NRG3: variants seen among roughly 807,000 people sequenced by gnomAD.
The protein encoded by NRG3 is pro-neuregulin-3, membrane-bound isoform.
A neutral mutation model predicts 66.9 loss-of-function variants in NRG3; 31 were observed. The observed-to-expected ratio is 0.46, with a 90% confidence interval of 0.35 to 0.63. NRG3 has a LOEUF of 0.63. Ranked by LOEUF, NRG3 falls within the 20% of genes least tolerant of loss-of-function variation. The pLI, the probability that NRG3 is intolerant of heterozygous loss-of-function variation, is 0.00. For missense variants in NRG3, 910 were observed against 878.9 expected, an observed-to-expected ratio of 1.04 and a Z score of -0.45; for synonymous variants, 393 against 359.4, an observed-to-expected ratio of 1.09 and a Z score of -1.06.
At chr10:82,529,969 A>G (rs1048209080) in intron 2 of NRG3, among the ~76,000 whole-genome samples, 4 of 152,164 alleles carry the variant, frequency 2.6e-5, no homozygotes, top group African/African-American at 7.2e-5. Flanking sequence ...AAATGATGCC[A>G]GTTTTATATC....
intron 1 of NRG3, among the ~76,000 whole-genome samples, chr10:82,079,429 C>A (rs2065270807): frequency 6.6e-6 from 1 of 152,198 alleles, no homozygotes; most frequent in South Asian, 2.1e-4. Context: ...CCCACACATG[C>A]ACCACCTTCC....
chr10:82,882,213 G>A (rs1321596368), intron 4 of NRG3, among the ~76,000 whole-genome samples: 1 of 152,102 alleles, frequency 6.6e-6, no homozygotes, highest in Non-Finnish European at 1.5e-5. Flanking sequence ...GTGTTCTACT[G>A]TAACTTTGCT....
At chr10:82,774,783 C>T (rs1238437117) in intron 3 of NRG3, among the ~76,000 whole-genome samples, 1 of 131,768 alleles carries the variant, frequency 7.6e-6, no homozygotes, top group Non-Finnish European at 1.6e-5. Context: ...TGTTCTGATC[C>T]TTTTTATTCC....
At chr10:82,940,766 A>G (rs1408001289) in intron 4 of NRG3, among the ~76,000 whole-genome samples, 2 of 152,000 alleles carry the variant, frequency 1.3e-5, no homozygotes, top group Admixed American at 6.6e-5. Context: ...AGTTTATTTT[A>G]TAAGAGCAGT....
rs79238558 is a variant in NRG3 at position 82,181,785 on chromosome 10, T to C, written c.824-176954T>C. Among the ~76,000 whole-genome samples the C allele has an allele frequency of 3.5e-3, 526 of 151,952 alleles. 5 individuals are homozygous for C. The highest frequency in any genetic ancestry group is 0.012 in the African/African-American group (495 of 41,534). On this transcript the variant is annotated intron_variant, in intron 1 of 8. Coordinates refer to ENST00000372141, the MANE Select transcript of NRG3 (RefSeq NM_001010848.4). ...GTTTATAAGGCCCATTTGTTTTATA[T>C]TGTGCAAGTTCTCTTTCCTTATTGA...
In NRG3 at chr10:82,479,133, A is replaced by C. The variant is rs549335603; in HGVS notation, c.953+120265A>C. On this transcript the variant is annotated intron_variant, in intron 2 of 8. Transcript: ENST00000372141. ...TAGGAGGTGATGTGACAGTGGAAAA[A>C]AATGTAAAAATCAATCAGACTTGAT... Among the ~76,000 whole-genome samples the C allele has an allele frequency of 7.2e-5, 11 of 152,310 alleles. No homozygotes were observed. In the South Asian group the frequency reaches 2.3e-3, roughly 32 times the overall value.
At position 81,875,820 on chromosome 10, in the gene NRG3, C is replaced by G; in HGVS notation, c.480C>G (p.Thr160=). 6.2e-7 allele frequency: 1 copy of G among 1,609,362 alleles called. No individual in the cohort carries two copies. The highest frequency in any genetic ancestry group is 1.6e-4 in the Middle Eastern group (1 of 6,062). ...ACCGGATTAGCACTCGCCTGACCAC[C>G]ATCACGCGGGCGCCCACTCGCTTCC... ...TPNRISTRLT[T]ITRAPTRFPG... The change falls in exon 1 of 9, where the codon ACC becomes ACG. Residue 160 remains threonine (T), a synonymous_variant. Transcript: ENST00000372141. The surrounding 1 kb of genome is among the most constrained non-coding windows in gnomAD (Gnocchi z 5.3).
intron 1 of NRG3, among the ~76,000 whole-genome samples, chr10:81,984,918 A>T (rs2060466454): frequency 6.6e-6 from 1 of 152,238 alleles, no homozygotes; most frequent in Non-Finnish European, 1.5e-5. Context: ...GAAAAAATAC[A>T]AAACGGTGTT....
chr10:82,636,048 G>GTAATAT (rs2050174113), intron 2 of NRG3, among the ~76,000 whole-genome samples: 1 of 152,112 alleles, frequency 6.6e-6, no homozygotes, highest in African/African-American at 2.4e-5. Context: ...GTTATATGTA[G>GTAATAT]TAATATTAAT....
chr10:82,724,005 ATTT>A lies in NRG3; in HGVS notation c.954-14571_954-14569del, dbSNP rs536030642. Among the ~76,000 whole-genome samples the A allele has an allele frequency of 5.7e-3, 868 of 151,352 alleles. 13 individuals carry two copies. Among genetic ancestry groups the A allele is most frequent in the African/African-American group, 0.021 (842 of 40,832 alleles). On this transcript the variant is annotated intron_variant, in intron 2 of 8. Transcript: ENST00000372141. ...AAAAAAAAGTAAATAAATAAAAAAA[ATTT>A]AAAAAATAAAAGCATAAATGAATGA...
chr10:82,844,829 C>T lies in NRG3; in HGVS notation c.1028-20582C>T, dbSNP rs184164903. ...AAAAAAAAAGTCTTTGCTTCTATTT[C>T]TCAAATTTCAAAAAAATAGGTTGGA... On this transcript the variant is annotated intron_variant, in intron 3 of 8. Coordinates refer to ENST00000372141, the MANE Select transcript of NRG3 (RefSeq NM_001010848.4). Among the ~76,000 whole-genome samples the T allele has an allele frequency of 1.1e-3, 175 of 152,238 alleles. 1 individual carries two copies. Among genetic ancestry groups the T allele is most frequent in the Admixed American group, 2.0e-3 (30 of 15,286 alleles).
At chr10:82,345,691 C>A (rs927878588) in intron 1 of NRG3, among the ~76,000 whole-genome samples, 1 of 151,780 alleles carries the variant, frequency 6.6e-6, no homozygotes, top group Non-Finnish European at 1.5e-5. Context: ...TCTTCCTACC[C>A]ATGAGCATGG....
chr10:82,759,038 T>C (rs2059194481), intron 3 of NRG3, among the ~76,000 whole-genome samples: 1 of 152,170 alleles, frequency 6.6e-6, no homozygotes, highest in African/African-American at 2.4e-5. Flanking sequence ...GGGGCAGTGT[T>C]GGGAGGTAGG....
At chr10:81,985,075 CA>C (rs2060471879) in intron 1 of NRG3, among the ~76,000 whole-genome samples, 1 of 152,106 alleles carries the variant, frequency 6.6e-6, no homozygotes, top group Non-Finnish European at 1.5e-5. Flanking sequence ...AAGATAAATA[CA>C]ATAATAGTTA....
intron 3 of NRG3, among the ~76,000 whole-genome samples, chr10:82,807,222 T>G (rs1256093120): frequency 6.6e-6 from 1 of 152,174 alleles, no homozygotes; most frequent in Non-Finnish European, 1.5e-5. Flanking sequence ...GTTATAAAAG[T>G]GAAATGATAT....
At chr10:82,941,235 G>A (rs937631914) in intron 4 of NRG3, among the ~76,000 whole-genome samples, 2 of 151,984 alleles carry the variant, frequency 1.3e-5, no homozygotes, top group African/African-American at 2.4e-5. Context: ...GCCACCCTCT[G>A]TAACTGCCCC....
chr10:81,971,472 A>C (rs1355952163), intron 1 of NRG3, among the ~76,000 whole-genome samples: 2 of 152,208 alleles, frequency 1.3e-5, no homozygotes, highest in Non-Finnish European at 2.9e-5. Context: ...AAGTAATGGA[A>C]AAGATCAACT....
Position 82,369,969 on chromosome 10 carries a change from A to AG in NRG3, c.953+11102dup, listed in dbSNP as rs1486363258. 9.4e-5 allele frequency among the ~76,000 whole-genome samples: 13 copies of AG among 138,262 alleles called. 2 individuals carry two copies. The highest frequency in any genetic ancestry group is 8.8e-4 in the Admixed American group (13 of 14,690). The allele number at this position is 138,262 out of a possible 152,430, so 90.7% of individuals were successfully genotyped here. A position where few individuals can be genotyped will look rare whatever the true frequency, so the allele number is the denominator to read the frequency against. ...CAGCTGAAACCCCTGAAGGAGGGGAAGCATGCAGAAGGGCAGTGCAGAGGC... is the reference window on the plus strand; with the variant it reads ...CAGCTGAAACCCCTGAAGGAGGGGAAGGCATGCAGAAGGGCAGTGCAGAGGC... On this transcript the variant is annotated intron_variant, in intron 2 of 8. Coordinates refer to ENST00000372141, the MANE Select transcript of NRG3 (RefSeq NM_001010848.4).
intron 1 of NRG3, among the ~76,000 whole-genome samples, chr10:81,987,190 C>T (rs1169195835): frequency 6.6e-6 from 1 of 151,976 alleles, no homozygotes; most frequent in Non-Finnish European, 1.5e-5. Flanking sequence ...CAGGTTCAAG[C>T]AATTCTGCCT....
Sources: allele counts gnomAD v4.1 joint callset (sites outside exome capture counted in the v4.1 genomes callset), GRCh38; gene constraint gnomAD v4.1.1; non-coding constraint Gnocchi (gnomAD v3.1); transcripts MANE v1.5; gene names NCBI Gene and HGNC (gene_info 2026-07-23, HGNC 2026-07-21).